The following CTNNA2 variants were observed in gnomAD, a reference collection of about 807,000 sequenced individuals.
The protein encoded by CTNNA2 is catenin alpha-2.
A neutral mutation model predicts 101.0 loss-of-function variants in CTNNA2; 42 were observed. The observed-to-expected ratio is 0.42, with a 90% confidence interval of 0.32 to 0.54. The LOEUF (loss-of-function observed/expected upper bound fraction) is 0.54. Among genes scored for constraint, CTNNA2 ranks in the 20% least tolerant of loss-of-function variants. CTNNA2 has a pLI of 0.14. For synonymous variants in CTNNA2, 450 were observed against 456.4 expected (o/e 0.99, Z 0.18); for missense variants, 871 against 1,223.1 (o/e 0.71, Z 4.29).
intron 7 of CTNNA2, among the ~76,000 whole-genome samples, chr2:80,005,818 C>T (rs539871761): frequency 1.3e-5 from 2 of 149,696 alleles, no homozygotes; most frequent in South Asian, 4.2e-4. Context: ...AGGACATTTT[C>T]ATATCAGTGG....
chr2:80,168,311 A>G (rs1220354334), intron 7 of CTNNA2, among the ~76,000 whole-genome samples: 1 of 152,202 alleles, frequency 6.6e-6, no homozygotes, highest in Non-Finnish European at 1.5e-5. Flanking sequence ...AGTTTGAAAT[A>G]GGTGACAGGC....
chr2:79,781,483 C>T (rs901017680), intron 3 of CTNNA2, among the ~76,000 whole-genome samples: 2 of 152,156 alleles, frequency 1.3e-5, no homozygotes, highest in African/African-American at 2.4e-5. Context: ...GAGTTGCTCT[C>T]GTTCAAATGC....
At chr2:79,648,466 A>G (rs995532956) in intron 1 of CTNNA2, among the ~76,000 whole-genome samples, 3 of 152,174 alleles carry the variant, frequency 2.0e-5, no homozygotes, top group Non-Finnish European at 2.9e-5. Context: ...TTTAAGGAAA[A>G]TGTTCCTACT....
intron 8 of CTNNA2, among the ~76,000 whole-genome samples, chr2:80,397,407 T>C (rs1678114093): frequency 6.6e-6 from 1 of 152,184 alleles, no homozygotes; most frequent in Admixed American, 6.5e-5. Flanking sequence ...ATGGTTTGGC[T>C]GTTTCCCTAC....
intron 7 of CTNNA2, among the ~76,000 whole-genome samples, chr2:80,146,463 C>T (rs1703339361): frequency 6.6e-6 from 1 of 152,070 alleles, no homozygotes; most frequent in African/African-American, 2.4e-5. Flanking sequence ...AGTTGACTGT[C>T]CCTGGCATGG....
At chr2:80,236,143 G>T (rs1480911024) in intron 7 of CTNNA2, among the ~76,000 whole-genome samples, 1 of 152,084 alleles carries the variant, frequency 6.6e-6, no homozygotes, top group Admixed American at 6.5e-5. Context: ...ACATGATCTT[G>T]TTCTTTTTTA....
intron 18 of CTNNA2, 151 bp from the exon 19 acceptor site, chr2:80,647,434 A>T: frequency 1.5e-6 from 1 of 651,418 alleles, no homozygotes; most frequent in Non-Finnish European, 2.5e-6. Flanking sequence ...TTGAGATTTT[A>T]AAAACCTTAA....
At chr2:79,329,770 G>T (rs1357491302) in intron 3 of CTNNA2, among the ~76,000 whole-genome samples, 1 of 152,174 alleles carries the variant, frequency 6.6e-6, no homozygotes, top group Non-Finnish European at 1.5e-5. Flanking sequence ...TGGCAAAATA[G>T]GGATTTGGGA....
chr2:80,163,162 C>T, intron 7 of CTNNA2: 1 of 1,488,856 alleles, frequency 6.7e-7, no homozygotes, highest in Non-Finnish European at 9.3e-7. Context: ...GGTGGAAAAC[C>T]TCGAAAAGGA....
intron 3 of CTNNA2, among the ~76,000 whole-genome samples, chr2:79,822,931 G>A (rs2105386886): frequency 1.3e-5 from 2 of 152,262 alleles, no homozygotes; most frequent in South Asian, 4.1e-4. Context: ...TCAGATCAAT[G>A]ATCATACAGG....
At chr2:80,062,831 G>T (rs763371310) in intron 7 of CTNNA2, among the ~76,000 whole-genome samples, 1 of 150,262 alleles carries the variant, frequency 6.7e-6, no homozygotes, top group Non-Finnish European at 1.5e-5. Context: ...TTAGCCTCCC[G>T]AGTAGCTGGG....
chr2:79,676,428 G>A (rs939333687), intron 2 of CTNNA2, among the ~76,000 whole-genome samples: 8 of 152,162 alleles, frequency 5.3e-5, no homozygotes, highest in African/African-American at 1.9e-4. Context: ...ATCCAGTTGA[G>A]AGCAGCAAGT....
At chr2:80,001,074 T>A (rs1472386674) in intron 7 of CTNNA2, among the ~76,000 whole-genome samples, 1 of 152,236 alleles carries the variant, frequency 6.6e-6, no homozygotes, top group Non-Finnish European at 1.5e-5. Context: ...GGCTTGTTCC[T>A]TGTTTTGATT....
At chr2:79,528,379 T>C (rs1672546808) in intron 1 of CTNNA2, among the ~76,000 whole-genome samples, 1 of 151,382 alleles carries the variant, frequency 6.6e-6, no homozygotes, top group African/African-American at 2.4e-5. Flanking sequence ...GCTTGGCTGA[T>C]TATTATTATT....
intron 1 of CTNNA2, among the ~76,000 whole-genome samples, chr2:79,609,726 C>T (rs765704018): frequency 6.6e-6 from 1 of 151,888 alleles, no homozygotes; most frequent in Admixed American, 6.6e-5. Flanking sequence ...CAAATGGTGC[C>T]GGAACAGTTG....
chr2:80,188,887 A>T (rs1472437484), intron 7 of CTNNA2, among the ~76,000 whole-genome samples: 1 of 151,120 alleles, frequency 6.6e-6, no homozygotes, highest in Non-Finnish European at 1.5e-5. Flanking sequence ...AGTGCCTACC[A>T]TAAGCACTAA....
chr2:79,554,786 A>G (rs1674340348), intron 1 of CTNNA2, among the ~76,000 whole-genome samples: 1 of 152,234 alleles, frequency 6.6e-6, no homozygotes. Flanking sequence ...ATTATTTCAT[A>G]AATGAGGAGA....
intron 9 of CTNNA2, among the ~76,000 whole-genome samples, chr2:80,485,332 A>G (rs541755351): frequency 2.0e-5 from 3 of 152,314 alleles, no homozygotes; most frequent in South Asian, 4.1e-4. Context: ...TTACTCTTAC[A>G]TTGACTATTC....
At position 80,341,207 on chromosome 2, in the gene CTNNA2, T is replaced by C. The variant is rs138044467; in HGVS notation, c.1057-52004T>C. Among the ~76,000 whole-genome samples the C allele has an allele frequency of 6.0e-3, 921 of 152,258 alleles. 34 individuals are homozygous for C. The highest frequency in any genetic ancestry group is 0.017 in the South Asian group (81 of 4,822). On this transcript the variant is annotated intron_variant, in intron 7 of 18. Transcript: ENST00000402739. ...CATATAGGCATGATTTGTTAAATCA[T>C]TGGCCACCCAAGCTCCAGCTCCTAC...
Sources: allele counts gnomAD v4.1 joint callset (sites outside exome capture counted in the v4.1 genomes callset), GRCh38; gene constraint gnomAD v4.1.1; transcripts MANE v1.5; gene names NCBI Gene and HGNC (gene_info 2026-07-23, HGNC 2026-07-21).